The following EPHA8 variants were observed in gnomAD, a reference collection of about 807,000 sequenced individuals.
The protein encoded by EPHA8 is EPH receptor A8, also known as ephrin type-A receptor 8.
Under a neutral mutation model 103.6 loss-of-function variants are expected in EPHA8, and 58 were observed. The observed-to-expected ratio is 0.56, with a 90% CI of 0.45 to 0.70. The LOEUF (loss-of-function observed/expected upper bound fraction) is 0.70. EPHA8 is among the 30% of genes least tolerant of loss of function. The pLI is 0.00. For synonymous variants in EPHA8, 559 were observed against 572.5 expected (o/e 0.98, Z 0.34); for missense variants, 1,304 against 1,395.2 (o/e 0.93, Z 1.04).
chr1:22,564,984 C>G (rs1640317387), intron 1 of EPHA8, among the ~76,000 whole-genome samples: 1 of 152,152 alleles, frequency 6.6e-6, no homozygotes, highest in Admixed American at 6.5e-5. Context: ...ACACAGGCTA[C>G]TTGGGATTCA....
chr1:22,588,984 GT>G lies in EPHA8; in HGVS notation c.1094del (p.Val365GlyfsTer9). ...GGRSDITYNA[V>X]CRRCPWALSR... ...CCGCAGTGACATCACCTACAATGCC[GT>G]GTGCCGCCGCTGCCCCTGGGCACTG... On this transcript the variant is annotated frameshift_variant, in exon 5 of 17. Coordinates refer to ENST00000166244, the MANE Select transcript of EPHA8 (RefSeq NM_020526.5). LOFTEE classifies it high-confidence loss of function. The G allele has an allele frequency of 6.2e-7, 1 of 1,613,154 alleles. No individual in the cohort carries two copies. Among genetic ancestry groups the G allele is most frequent in the Non-Finnish European group, 8.5e-7 (1 of 1,179,708 alleles).
Position 22,595,324 on chromosome 1 carries a change from G to A in EPHA8, c.1697+1G>A, listed in dbSNP as rs761796633. 1 of 1,612,250 alleles carries A rather than the reference G, an allele frequency of 6.2e-7. No individual in the cohort carries two copies. The highest frequency in any genetic ancestry group is 1.1e-5 in the South Asian group (1 of 90,766). Reference sequence around the variant, plus strand: ...TGCTCCTGCTCATCTGCAAGAAGAGGTGGGTGGTCTGGCCCAGCCACACCC... The same window carrying A: ...TGCTCCTGCTCATCTGCAAGAAGAGATGGGTGGTCTGGCCCAGCCACACCC... On this transcript the variant is annotated splice_donor_variant, in intron 8 of 16. Coordinates refer to ENST00000166244, the MANE Select transcript of EPHA8 (RefSeq NM_020526.5). LOFTEE classifies it high-confidence loss of function.
chr1:22,592,199 C>T (rs114143207), intron 5 of EPHA8, among the ~76,000 whole-genome samples: 2,574 of 152,274 alleles, frequency 0.017, 44 homozygotes, highest in Non-Finnish European at 0.025. Flanking sequence ...GACGCGAACC[C>T]CATTCCCCTC....
At chr1:22,600,538 G>A (rs1384180666) in intron 13 of EPHA8, 123 bp from the exon 14 acceptor site, 4 of 1,318,186 alleles carry the variant, frequency 3.0e-6, no homozygotes, top group African/African-American at 2.9e-5. Context: ...TGGGACGGTG[G>A]GGGCTGTGTT....
chr1:22,578,664 T>C (rs948061708), intron 3 of EPHA8, among the ~76,000 whole-genome samples: 2 of 150,630 alleles, frequency 1.3e-5, no homozygotes, highest in African/African-American at 4.9e-5. Flanking sequence ...CATGTGAGTG[T>C]ATGTATGCAT....
rs1263260847 is a variant in EPHA8 at position 22,563,872 on chromosome 1, G to T, written c.94+143G>T. The stretch of plus-strand genomic sequence containing the variant: ...TCGGCCCGGGGGGCGGGGTGGCACC[G>T]CGGAAGAGACCCGGGATTAAGGGAC... On this transcript the variant is annotated intron_variant, in intron 1 of 16. Coordinates refer to ENST00000166244, the MANE Select transcript of EPHA8 (RefSeq NM_020526.5). This position sits in a 1 kb window ranked among gnomAD's most constrained non-coding sequence, Gnocchi z 4.4. The T allele has an allele frequency of 5.2e-5, 8 of 152,812 alleles. No individual in the cohort carries two copies. Among genetic ancestry groups the T allele is most frequent in the African/African-American group, 1.9e-4 (8 of 41,434 alleles). The allele number at this position is 152,812 out of a possible 1,614,324, so 9.5% of individuals were successfully genotyped here.
At chr1:22,573,335 T>A (rs1640595404) in intron 2 of EPHA8, among the ~76,000 whole-genome samples, 1 of 152,232 alleles carries the variant, frequency 6.6e-6, no homozygotes, top group South Asian at 2.1e-4. Context: ...CTAAGCACTT[T>A]GCAGAAATTT....
chr1:22,572,198 C>T (rs1430192271), intron 2 of EPHA8, among the ~76,000 whole-genome samples: 1 of 152,196 alleles, frequency 6.6e-6, no homozygotes, highest in Non-Finnish European at 1.5e-5. Context: ...AGAAATGTTA[C>T]CCGATTATCA....
chr1:22,586,848 T>C (rs1641226374), intron 4 of EPHA8, among the ~76,000 whole-genome samples: 1 of 152,172 alleles, frequency 6.6e-6, no homozygotes, highest in Admixed American at 6.5e-5. Flanking sequence ...CTGTCCTGTG[T>C]CACCTACACT....
chr1:22,598,034 C>A lies in EPHA8; in HGVS notation c.2117-117C>A. ...CTGGGACCCCAGTGGAAACCCAAGG[C>A]ACCCTGGGGTTTCCAGTGCTGGCAC... is the stretch of plus-strand genomic sequence containing the variant. On this transcript the variant is annotated intron_variant, in intron 11 of 16. Coordinates refer to ENST00000166244, the MANE Select transcript of EPHA8 (RefSeq NM_020526.5). The surrounding 1 kb of genome is among the most constrained non-coding windows in gnomAD (Gnocchi z 5.1). 7.1e-7 allele frequency: 1 copy of A among 1,405,356 alleles called. No individual in the cohort carries two copies. Among genetic ancestry groups the A allele is most frequent in the Non-Finnish European group, 9.9e-7 (1 of 1,005,908 alleles). The allele number at this position is 1,405,356 out of a possible 1,614,324, so 87.1% of individuals were successfully genotyped here. A position where few individuals can be genotyped will look rare whatever the true frequency, so the allele number is the denominator to read the frequency against.
chr1:22,598,084 C>T lies in EPHA8; in HGVS notation c.2117-67C>T. 1 of 1,550,514 alleles carries T rather than the reference C, an allele frequency of 6.4e-7. No individual in the cohort carries two copies. Among genetic ancestry groups the T allele is most frequent in the Non-Finnish European group, 8.9e-7 (1 of 1,123,370 alleles). On this transcript the variant is annotated intron_variant, in intron 11 of 16. Coordinates refer to ENST00000166244, the MANE Select transcript of EPHA8 (RefSeq NM_020526.5). The surrounding 1 kb of genome is among the most constrained non-coding windows in gnomAD (Gnocchi z 5.1). ...CAGGTCCTGAGATGGTGGTATGCTC[C>T]TGGGGTCTCTGATCAGCAGCCCTGA...
chr1:22,575,262 G>GT lies in EPHA8; in HGVS notation c.160-949dup, dbSNP rs1188326380. ...CACCGCACCTGGCCTTATTATTATT[G>GT]TTTTTTATAACAGCCATCCTAATGC... On this transcript the variant is annotated intron_variant, in intron 2 of 16. Transcript: ENST00000166244. 4.6e-5 allele frequency among the ~76,000 whole-genome samples: 7 copies of GT among 150,768 alleles called. No homozygotes were observed. In the East Asian group the frequency reaches 1.2e-3, roughly 25 times the overall value.
intron 5 of EPHA8, among the ~76,000 whole-genome samples, chr1:22,591,375 A>ACCAT (rs1452080556): frequency 1.3e-5 from 2 of 148,832 alleles, no homozygotes; most frequent in Non-Finnish European, 3.0e-5. Context: ...GGCACACACC[A>ACCAT]CCATGCCCAG....
intron 8 of EPHA8, among the ~76,000 whole-genome samples, chr1:22,595,644 G>A (rs1245767815): frequency 6.6e-6 from 1 of 152,184 alleles, no homozygotes; most frequent in East Asian, 1.9e-4. Flanking sequence ...ACTCCATTTT[G>A]GAGGGAGGTG....
Position 22,576,499 on chromosome 1 carries a change from A to T in EPHA8, c.442A>T (p.Ile148Phe). 2 of 1,614,110 alleles carry T rather than the reference A, an allele frequency of 1.2e-6. No homozygotes were observed. Among genetic ancestry groups the T allele is most frequent in the Non-Finnish European group, 8.5e-7 (1 of 1,180,008 alleles). Residue 148 changes from isoleucine to phenylalanine, a missense_variant, in exon 3 of 17, where the codon ATT becomes TTT. Physicochemically the swap from Ile to Phe is conservative, Grantham distance 21 (BLOSUM62 0). Transcript: ENST00000166244. The surrounding 1 kb of genome is among the most constrained non-coding windows in gnomAD (Gnocchi z 4.8). ...QESQFLKIDT[I>F]AADESFTGAD... Reference sequence around the variant, plus strand: ...AAGCCAGTTCCTCAAAATCGACACCATTGCGGCCGACGAGAGCTTCACAGG... The same window carrying T: ...AAGCCAGTTCCTCAAAATCGACACCTTTGCGGCCGACGAGAGCTTCACAGG...
In EPHA8 at chr1:22,597,457, C is replaced by G. The variant is rs774864430; in HGVS notation, c.1911C>G (p.Ile637Met). Reference sequence around the variant, plus strand: ...AGATCGAGGCCTCTAGGATCCACATCGAGAAAATCATCGGCTCTGGTGAGT... The same window carrying G: ...AGATCGAGGCCTCTAGGATCCACATGGAGAAAATCATCGGCTCTGGTGAGT... ...TREIEASRIH[I>M]EKIIGSGDSG... is the part of the protein sequence containing the mutation. The change falls in exon 10 of 17, where the codon ATC becomes ATG. Residue 637 changes from isoleucine to methionine, a missense_variant. Ile to Met is a conservative substitution (Grantham distance 10). Transcript: ENST00000166244. This position sits in a 1 kb window ranked among gnomAD's most constrained non-coding sequence, Gnocchi z 4.6. 3 of 1,613,160 alleles carry G rather than the reference C, an allele frequency of 1.9e-6. No individual in the cohort carries two copies. Among genetic ancestry groups the G allele is most frequent in the Non-Finnish European group, 2.5e-6 (3 of 1,179,900 alleles).
At chr1:22,572,948 C>G (rs1171548305) in intron 2 of EPHA8, among the ~76,000 whole-genome samples, 1 of 152,188 alleles carries the variant, frequency 6.6e-6, no homozygotes, top group Non-Finnish European at 1.5e-5. Context: ...ACCATTGGCC[C>G]CGGTGGGGCA....
At chr1:22,579,088 CATGTGTGCATGTGTATGT>C (rs1640944080) in intron 3 of EPHA8, among the ~76,000 whole-genome samples, 1 of 104,592 alleles carries the variant, frequency 9.6e-6, no homozygotes, top group African/African-American at 5.7e-5. Context: ...TGTGTACGTG[CATGTGTGCATGTGTATGT>C]GTGCATGTGT....
At position 22,576,714 on chromosome 1, in the gene EPHA8, G is replaced by A; in HGVS notation, c.657G>A (p.Thr219=). The change falls in exon 3 of 17, where the codon ACG becomes ACA. Residue 219 remains threonine (T), a synonymous_variant. Transcript: ENST00000166244. This position sits in a 1 kb window ranked among gnomAD's most constrained non-coding sequence, Gnocchi z 4.8. ...RNLAAFSEAV[T]GADSSSLVEV... is the part of the protein sequence containing the mutation. Reference sequence around the variant, plus strand: ...TGGCTGCCTTCTCGGAGGCAGTGACGGGGGCCGACTCGTCCTCACTGGTGG... The same window carrying A: ...TGGCTGCCTTCTCGGAGGCAGTGACAGGGGCCGACTCGTCCTCACTGGTGG... 3 of 1,613,814 alleles carry A rather than the reference G, an allele frequency of 1.9e-6. No individual in the cohort carries two copies. The highest frequency in any genetic ancestry group is 1.1e-5 in the South Asian group (1 of 91,088).
Sources: allele counts gnomAD v4.1 joint callset (sites outside exome capture counted in the v4.1 genomes callset), GRCh38; gene constraint gnomAD v4.1.1; non-coding constraint Gnocchi (gnomAD v3.1); transcripts MANE v1.5; gene names NCBI Gene and HGNC (gene_info 2026-07-23, HGNC 2026-07-21).